COL11A2: variants seen among roughly 807,000 people sequenced by gnomAD.
The protein encoded by COL11A2 is collagen alpha-2(XI) chain.
In COL11A2, 116 loss-of-function variants were observed where a neutral mutation model predicts 273.4. The observed-to-expected ratio is 0.42, with a 90% CI of 0.36 to 0.49. COL11A2 has a LOEUF of 0.49. COL11A2 is among the 20% of genes least tolerant of loss of function. The pLI is 0.00. For synonymous variants in COL11A2, 782 were observed against 864.2 expected, an observed-to-expected ratio of 0.90 and a Z score of 1.67; for missense variants, 1,866 against 2,309.0, an observed-to-expected ratio of 0.81 and a Z score of 3.93.
Position 33,185,015 on chromosome 6 carries a change from T to A in COL11A2, c.916A>T (p.Ser306Cys), listed in dbSNP as rs1334112600. The change falls in exon 7 of 66, where the codon AGC becomes TGC. Residue 306 changes from serine to cysteine, a missense_variant. Coordinates refer to ENST00000341947, the MANE Select transcript of COL11A2 (RefSeq NM_080680.3). Reference protein sequence around the residue: ...PGEEEEILESSLLPPLEEEQT... With the variant: ...PGEEEEILESCLLPPLEEEQT... ...ACCTCCTCAAGGGGTGGCAAGAGGC[T>A]CGACTCCAGGATTTCTTCCTCTTCA... is the stretch of plus-strand genomic sequence containing the variant. The A allele has an allele frequency of 1.4e-5, 22 of 1,551,130 alleles. No homozygotes were observed. Among genetic ancestry groups the A allele is most frequent in the Non-Finnish European group, 1.8e-5 (21 of 1,146,754 alleles).
intron 1 of COL11A2, among the ~76,000 whole-genome samples, chr6:33,191,628 GTGGCAGCATCGAGGGCA>G (rs1433578692): frequency 6.6e-6 from 1 of 152,252 alleles, no homozygotes; most frequent in Non-Finnish European, 1.5e-5. Context: ...AGCCAGCTGC[GTGGCAGCATCGAGGGCA>G]CAGGGAGGGG....
In COL11A2 at chr6:33,166,004, G is replaced by T. The variant is rs915712111; in HGVS notation, c.4429-20C>A. The T allele has an allele frequency of 6.2e-7, 1 of 1,613,898 alleles. No individual in the cohort carries two copies. Among genetic ancestry groups the T allele is most frequent in the Non-Finnish European group, 8.5e-7 (1 of 1,180,020 alleles). Reference sequence around the variant, plus strand: ...TGGGCCCTGACAAGGAATAAATCAGGTCATGGAGGGGTCAAGAGGTCAAGC... The same window carrying T: ...TGGGCCCTGACAAGGAATAAATCAGTTCATGGAGGGGTCAAGAGGTCAAGC... On this transcript the variant is annotated intron_variant, in intron 61 of 65. Transcript: ENST00000341947. The surrounding 1 kb of genome is among the most constrained non-coding windows in gnomAD (Gnocchi z 4.8).
At position 33,165,426 on chromosome 6, in the gene COL11A2, C is replaced by T. The variant is rs1439613931; in HGVS notation, c.4750+123G>A. On this transcript the variant is annotated intron_variant, in intron 63 of 65. Coordinates refer to ENST00000341947, the MANE Select transcript of COL11A2 (RefSeq NM_080680.3). The surrounding 1 kb of genome is among the most constrained non-coding windows in gnomAD (Gnocchi z 7.7). ...ACCTGGTTAGTAAATAGCTGCAGTT[C>T]CCAGCCCCTCAGCCCTCACCCTTAA... 1.4e-6 allele frequency: 2 copies of T among 1,452,582 alleles called. No individual in the cohort carries two copies. Among genetic ancestry groups the T allele is most frequent in the African/African-American group, 2.8e-5 (2 of 72,084 alleles). The allele number at this position is 1,452,582 out of a possible 1,614,324, so 90.0% of individuals were successfully genotyped here.
Position 33,179,313 on chromosome 6 carries a change from A to G in COL11A2, c.1504-29T>C, listed in dbSNP as rs1411695655. 6.2e-7 allele frequency: 1 copy of G among 1,603,150 alleles called. No homozygotes were observed. Among genetic ancestry groups the G allele is most frequent in the East Asian group, 2.2e-5 (1 of 44,550 alleles). On this transcript the variant is annotated intron_variant, in intron 14 of 65. Coordinates refer to ENST00000341947, the MANE Select transcript of COL11A2 (RefSeq NM_080680.3). The surrounding 1 kb of genome is among the most constrained non-coding windows in gnomAD (Gnocchi z 6.4). ...GGAGAGAGAAGAGAGGATGGCCGTA[A>G]GGAAGGACACAGCCAACAGTGGCCT...
At chr6:33,186,855 A>G in intron 4 of COL11A2, 37 bp from the exon 5 acceptor site, 1 of 1,612,350 alleles carries the variant, frequency 6.2e-7, no homozygotes, top group African/African-American at 1.3e-5. Flanking sequence ...GGAGAGATTC[A>G]GAGAGAGGCA....
Position 33,188,977 on chromosome 6 carries a change from C to T in COL11A2, c.443+1G>A. ...CAGACCAGAGGAGCAAACAAACTTA[C>T]TTGCCATCTGCTAGGCTGAGGCCTC... On this transcript the variant is annotated splice_donor_variant, in intron 3 of 65. Transcript: ENST00000341947. LOFTEE classifies it high-confidence loss of function. 1 of 1,614,194 alleles carries T rather than the reference C, an allele frequency of 6.2e-7. No individual in the cohort carries two copies. Among genetic ancestry groups the T allele is most frequent in the Non-Finnish European group, 8.5e-7 (1 of 1,180,024 alleles).
In COL11A2 at chr6:33,186,608, G is replaced by T. The variant is rs767640439; in HGVS notation, c.798+19C>A. On this transcript the variant is annotated intron_variant, in intron 5 of 65. Coordinates refer to ENST00000341947, the MANE Select transcript of COL11A2 (RefSeq NM_080680.3). Reference sequence around the variant, plus strand: ...TCTCTGGGGTGTGCTGCACTTGGGGGTTCTCCCAGCTCCCTCACCTGGCTC... The same window carrying T: ...TCTCTGGGGTGTGCTGCACTTGGGGTTTCTCCCAGCTCCCTCACCTGGCTC... 1.2e-6 allele frequency: 2 copies of T among 1,614,188 alleles called. No individual in the cohort carries two copies. Among genetic ancestry groups the T allele is most frequent in the Non-Finnish European group, 1.7e-6 (2 of 1,180,030 alleles).
chr6:33,181,069 T>G (rs1452415003), intron 9 of COL11A2, 42 bp downstream of exon 9: 9 of 1,614,044 alleles, frequency 5.6e-6, no homozygotes, highest in Non-Finnish European at 6.8e-6. Context: ...CACTTGCTTC[T>G]CCTATTTCCA....
Position 33,176,511 on chromosome 6 carries a change from AT to A in COL11A2, c.2116-26del, listed in dbSNP as rs1770928354. Reference sequence around the variant, plus strand: ...CCTGGAAGATAAAAGAGAGGCATTTATAAAGGGGCCTCAGAGTGTCACTGTG... The same window carrying A: ...CCTGGAAGATAAAAGAGAGGCATTTAAAAGGGGCCTCAGAGTGTCACTGTG... On this transcript the variant is annotated intron_variant, in intron 26 of 65. Coordinates refer to ENST00000341947, the MANE Select transcript of COL11A2 (RefSeq NM_080680.3). This position sits in a 1 kb window ranked among gnomAD's most constrained non-coding sequence, Gnocchi z 4.9. The A allele has an allele frequency of 6.2e-7, 1 of 1,604,170 alleles. No homozygotes were observed. Among genetic ancestry groups the A allele is most frequent in the African/African-American group, 1.3e-5 (1 of 74,664 alleles).
chr6:33,167,259 C>T lies in COL11A2; in HGVS notation c.4176+5G>A. The T allele has an allele frequency of 6.2e-7, 1 of 1,614,130 alleles. No homozygotes were observed. The highest frequency in any genetic ancestry group is 8.5e-7 in the Non-Finnish European group (1 of 1,180,014). On this transcript the variant is annotated splice_donor_5th_base_variant and intron_variant, in intron 57 of 65. Transcript: ENST00000341947. This position sits in a 1 kb window ranked among gnomAD's most constrained non-coding sequence, Gnocchi z 6.1. The stretch of plus-strand genomic sequence containing the variant: ...CCCTCACTCAGCCCAATCCCAGTCA[C>T]TCACCACAGGACCTGGGGGCCCAGC...
At chr6:33,172,404 C>G in intron 39 of COL11A2, 26 bp from the exon 40 acceptor site, 1 of 1,568,634 alleles carries the variant, frequency 6.4e-7, no homozygotes, top group South Asian at 1.2e-5. Flanking sequence ...AGGTGATGAG[C>G]CACAGCCATG....
Position 33,181,290 on chromosome 6 carries a change from C to G in COL11A2, c.1120-120G>C, listed in dbSNP as rs1279948612. 3 of 1,022,216 alleles carry G rather than the reference C, an allele frequency of 2.9e-6. No homozygotes were observed. In the African/African-American group the frequency reaches 4.7e-5, roughly 16 times the overall value. 63.3% of individuals were successfully genotyped at this position (1,022,216 alleles called of 1,614,324 possible). On this transcript the variant is annotated intron_variant, in intron 8 of 65. Transcript: ENST00000341947. The stretch of plus-strand genomic sequence containing the variant: ...CCTCTCGAGACCACTTCAGCCCTAC[C>G]CGAAAGCCCCACAGCCCTCCCCTAA...
Position 33,173,564 on chromosome 6 carries a change from A to G in COL11A2, c.2629-9T>C, listed in dbSNP as rs1312122967. 1 of 1,254,930 alleles carries G rather than the reference A, an allele frequency of 8.0e-7. No homozygotes were observed. The highest frequency in any genetic ancestry group is 2.2e-5 in the Admixed American group (1 of 45,916). 77.7% of individuals were successfully genotyped at this position (1,254,930 alleles called of 1,614,324 possible). A position where few individuals can be genotyped will look rare whatever the true frequency, so the allele number is the denominator to read the frequency against. ...TGAGGTCCAGGGAGGCCCTAGAGAC[A>G]GAGGTGGGGGGAGTCAGGAGAATGG... is the stretch of plus-strand genomic sequence containing the variant. On this transcript the variant is annotated splice_polypyrimidine_tract_variant and intron_variant, in intron 35 of 65. Transcript: ENST00000341947. The surrounding 1 kb of genome is among the most constrained non-coding windows in gnomAD (Gnocchi z 6.3).
In COL11A2 at chr6:33,164,489, G is replaced by C. The variant is rs1323815322; in HGVS notation, c.4864-16C>G. The C allele has an allele frequency of 2.0e-6, 3 of 1,520,708 alleles. No homozygotes were observed. The highest frequency in any genetic ancestry group is 4.1e-5 in the Admixed American group (2 of 49,262). 94.2% of individuals were successfully genotyped at this position (1,520,708 alleles called of 1,614,324 possible). A position where few individuals can be genotyped will look rare whatever the true frequency, so the allele number is the denominator to read the frequency against. On this transcript the variant is annotated splice_polypyrimidine_tract_variant and intron_variant, in intron 64 of 65. Transcript: ENST00000341947. The surrounding 1 kb of genome is among the most constrained non-coding windows in gnomAD (Gnocchi z 4.7). ...CGTAAGAGAACTGGAAGGAGAGAGA[G>C]GGCTGGCCTCAGAGGGGGAGAGAGA...
chr6:33,173,150 G>A lies in COL11A2; in HGVS notation c.2737-37C>T, dbSNP rs954260267. On this transcript the variant is annotated intron_variant, in intron 37 of 65. Transcript: ENST00000341947. The surrounding 1 kb of genome is among the most constrained non-coding windows in gnomAD (Gnocchi z 6.3). ...AGAGAGGAGAATGCAGTGAAAGCAG[G>A]TGTGGGCGCTGTGGGGCAGATTCCC... 7.5e-6 allele frequency: 12 copies of A among 1,599,034 alleles called. No homozygotes were observed. In the African/African-American group the frequency reaches 1.1e-4, roughly 14 times the overall value.
rs1769283272 is a variant in COL11A2 at position 33,167,251 on chromosome 6, C to T, written c.4176+13G>A. Reference sequence around the variant, plus strand: ...GCCCTCACCCCTCACTCAGCCCAATCCCAGTCACTCACCACAGGACCTGGG... The same window carrying T: ...GCCCTCACCCCTCACTCAGCCCAATTCCAGTCACTCACCACAGGACCTGGG... On this transcript the variant is annotated intron_variant, in intron 57 of 65. Coordinates refer to ENST00000341947, the MANE Select transcript of COL11A2 (RefSeq NM_080680.3). This position sits in a 1 kb window ranked among gnomAD's most constrained non-coding sequence, Gnocchi z 6.1. The T allele has an allele frequency of 1.2e-6, 2 of 1,614,124 alleles. No homozygotes were observed. Among genetic ancestry groups the T allele is most frequent in the Non-Finnish European group, 1.7e-6 (2 of 1,180,016 alleles).
rs879116772 is a variant in COL11A2 at position 33,184,855 on chromosome 6, C to T, written c.939+137G>A. The T allele has an allele frequency of 6.2e-5, 45 of 731,432 alleles. No homozygotes were observed. In the South Asian group the frequency reaches 7.3e-4, roughly 12 times the overall value. 45.3% of individuals were successfully genotyped at this position (731,432 alleles called of 1,614,324 possible). Reference sequence around the variant, plus strand: ...CCATAGTTCTAGAGTGACCCAAAGACAGAGGCCATCGATGGAAATGAGGAA... The same window carrying T: ...CCATAGTTCTAGAGTGACCCAAAGATAGAGGCCATCGATGGAAATGAGGAA... On this transcript the variant is annotated intron_variant, in intron 7 of 65. Coordinates refer to ENST00000341947, the MANE Select transcript of COL11A2 (RefSeq NM_080680.3).
chr6:33,175,889 T>C, intron 29 of COL11A2, 127 bp downstream of exon 29: 1 of 1,262,580 alleles, frequency 7.9e-7, no homozygotes, highest in Non-Finnish European at 1.2e-6. Context: ...GGGGTCAGGC[T>C]CCCAAGGGAA....
chr6:33,165,528 C>T lies in COL11A2; in HGVS notation c.4750+21G>A, dbSNP rs565891596. On this transcript the variant is annotated intron_variant, in intron 63 of 65. Coordinates refer to ENST00000341947, the MANE Select transcript of COL11A2 (RefSeq NM_080680.3). This position sits in a 1 kb window ranked among gnomAD's most constrained non-coding sequence, Gnocchi z 7.7. ...CCATGCTGTTGGGGAGATGTTTGTGCACCCTGAGGCTAGCACTGACCATCG... is the reference window on the plus strand; with the variant it reads ...CCATGCTGTTGGGGAGATGTTTGTGTACCCTGAGGCTAGCACTGACCATCG... 98 of 1,610,208 alleles carry T rather than the reference C, an allele frequency of 6.1e-5. No homozygotes were observed. Among genetic ancestry groups the T allele is most frequent in the Non-Finnish European group, 8.1e-5 (95 of 1,180,004 alleles).
Sources: allele counts gnomAD v4.1 joint callset (sites outside exome capture counted in the v4.1 genomes callset), GRCh38; gene constraint gnomAD v4.1.1; non-coding constraint Gnocchi (gnomAD v3.1); transcripts MANE v1.5; gene names NCBI Gene and HGNC (gene_info 2026-07-23, HGNC 2026-07-21).